Variants in NEDD8 observed in about 807,000 individuals in gnomAD.
NEDD8 encodes the protein ubiquitin-like protein NEDD8.
In NEDD8, 1 loss-of-function variant was observed where a neutral mutation model predicts 13.8. That is an observed-to-expected ratio of 0.07 (90% CI 0.03 to 0.34). The LOEUF (loss-of-function observed/expected upper bound fraction) is 0.34, where lower values mean the gene tolerates loss of function less well. Among genes scored for constraint, NEDD8 ranks in the 10% least tolerant of loss-of-function variants. The pLI is 0.99. For missense variants in NEDD8, 10 were observed against 95.2 expected (o/e 0.10, Z 3.73); for synonymous variants, 31 against 33.2 (o/e 0.93, Z 0.23).
chr14:24,218,134 T>G lies in NEDD8; in HGVS notation c.148A>C (p.Met50Leu). 6.2e-7 allele frequency: 1 copy of G among 1,614,076 alleles called. No homozygotes were observed. ...QQRLIYSGKQ[M>L]NDEKTAADYK... Reference sequence around the variant, plus strand: ...CTGTCATTCTCACTCCAAACTCACATCTGCTTGCCACTGTAGATGAGCCTC... The same window carrying G: ...CTGTCATTCTCACTCCAAACTCACAGCTGCTTGCCACTGTAGATGAGCCTC... The change falls in exon 3 of 4, where the codon ATG (methionine) becomes CTG (leucine). Residue 50 changes from methionine (M) to leucine (L), a missense_variant and splice_region_variant. Transcript: ENST00000250495.
chr14:24,230,301 G>A lies in NEDD8; in HGVS notation c.18+1949C>T, dbSNP rs1439203377. Among the ~76,000 whole-genome samples, 4 of 146,282 alleles carry A rather than the reference G, an allele frequency of 2.7e-5. No homozygotes were observed. In the East Asian group the frequency reaches 8.3e-4, roughly 31 times the overall value. ...TGTAATCCCAGCACTTTGGGAGGCA[G>A]AGGCGGGCGGATCACGAGGTCAGGA... On this transcript the variant is annotated intron_variant, in intron 1 of 3. Coordinates refer to ENST00000250495, the MANE Select transcript of NEDD8 (RefSeq NM_006156.3).
In NEDD8 at chr14:24,216,859, C is replaced by T. The variant is rs59912210; in HGVS notation, c.*268G>A. The stretch of plus-strand genomic sequence containing the variant: ...CAACTTGTGCAACAGAAGAAAGATT[C>T]CAGGAGGCCAGGAAATATTTTATTG... On this transcript the variant is annotated 3_prime_UTR_variant, in exon 4 of 4. Coordinates refer to ENST00000250495, the MANE Select transcript of NEDD8 (RefSeq NM_006156.3). 3,828 of 405,292 alleles carry T rather than the reference C, an allele frequency of 9.4e-3. 105 individuals are homozygous for T. The highest frequency in any genetic ancestry group is 0.066 in the African/African-American group (3,269 of 49,356). 25.1% of individuals were successfully genotyped at this position (405,292 alleles called of 1,614,324 possible). A position where few individuals can be genotyped will look rare whatever the true frequency, so the allele number is the denominator to read the frequency against.
At chr14:24,219,475 C>CAAAAAAAAAAAAAAAAAAAAAAAAA (rs59964484) in intron 1 of NEDD8, among the ~76,000 whole-genome samples, 1 of 33,368 alleles carries the variant, frequency 3.0e-5, no homozygotes, top group Admixed American at 4.1e-4. Flanking sequence ...AACACCCTCG[C>CAAAAAAAAAAAAAAAAAAAAAAAAA]AAAAAAAAAA....
chr14:24,226,656 C>G (rs1232270468), intron 1 of NEDD8: 1 of 151,886 alleles, frequency 6.6e-6, no homozygotes, highest in African/African-American at 2.4e-5. Flanking sequence ...CTATAATAGC[C>G]AAAATAAAAA....
Position 24,232,308 on chromosome 14 carries a change from T to G in NEDD8, c.-41A>C. The G allele has an allele frequency of 6.3e-7, 1 of 1,595,334 alleles. No individual in the cohort carries two copies. Among genetic ancestry groups the G allele is most frequent in the Non-Finnish European group, 8.5e-7 (1 of 1,172,186 alleles). On this transcript the variant is annotated 5_prime_UTR_variant, in exon 1 of 4. Transcript: ENST00000250495. Reference sequence around the variant, plus strand: ...GGGCTGCACACGGATAAATTGCTGCTCCTACCGCTCCGGTCGCCGCTGCCG... The same window carrying G: ...GGGCTGCACACGGATAAATTGCTGCGCCTACCGCTCCGGTCGCCGCTGCCG...
Position 24,232,316 on chromosome 14 carries a change from C to G in NEDD8, c.-49G>C, listed in dbSNP as rs2138925946. 1 of 1,611,700 alleles carries G rather than the reference C, an allele frequency of 6.2e-7. No individual in the cohort carries two copies. The stretch of plus-strand genomic sequence containing the variant: ...CACGGATAAATTGCTGCTCCTACCG[C>G]TCCGGTCGCCGCTGCCGCCCTCCAG... On this transcript the variant is annotated 5_prime_UTR_variant, in exon 1 of 4. Coordinates refer to ENST00000250495, the MANE Select transcript of NEDD8 (RefSeq NM_006156.3).
In NEDD8 at chr14:24,224,026, C is replaced by T. The variant is rs35867903; in HGVS notation, c.19-5595G>A. On this transcript the variant is annotated intron_variant, in intron 1 of 3. Coordinates refer to ENST00000250495, the MANE Select transcript of NEDD8 (RefSeq NM_006156.3). ...CACTGCAAGCTCCACCTCCCGGGTT[C>T]ACGCCATTCTCCTGCCTCAGCCTCC... Among the ~76,000 whole-genome samples, 385 of 152,202 alleles carry T rather than the reference C, an allele frequency of 2.5e-3. 2 individuals are homozygous for T. The highest frequency in any genetic ancestry group is 8.8e-3 in the African/African-American group (367 of 41,544).
At chr14:24,220,088 G>A (rs899888427) in intron 1 of NEDD8, among the ~76,000 whole-genome samples, 1 of 152,236 alleles carries the variant, frequency 6.6e-6, no homozygotes, top group Non-Finnish European at 1.5e-5. Flanking sequence ...GCGGTGAGCT[G>A]AGATTGTGCC....
chr14:24,216,964 G>C lies in NEDD8; in HGVS notation c.*163C>G. ...CCCAGTAGCCAGCAAGGGCCCTCTG[G>C]GCCAGGAATACTGAATCCTGGGATC... is the stretch of plus-strand genomic sequence containing the variant. On this transcript the variant is annotated 3_prime_UTR_variant, in exon 4 of 4. Coordinates refer to ENST00000250495, the MANE Select transcript of NEDD8 (RefSeq NM_006156.3). 1 of 626,810 alleles carries C rather than the reference G, an allele frequency of 1.6e-6. No homozygotes were observed. The highest frequency in any genetic ancestry group is 2.8e-6 in the Non-Finnish European group (1 of 357,834). 38.8% of individuals were successfully genotyped at this position (626,810 alleles called of 1,614,324 possible). A position where few individuals can be genotyped will look rare whatever the true frequency, so the allele number is the denominator to read the frequency against.
chr14:24,224,840 C>T (rs900165520), intron 1 of NEDD8, among the ~76,000 whole-genome samples: 1 of 152,086 alleles, frequency 6.6e-6, no homozygotes, highest in Non-Finnish European at 1.5e-5. Context: ...ACAGGAAATA[C>T]AGAGGAAAAG....
chr14:24,231,419 A>C (rs2040015407), intron 1 of NEDD8, among the ~76,000 whole-genome samples: 1 of 132,306 alleles, frequency 7.6e-6, no homozygotes, highest in South Asian at 2.4e-4. Flanking sequence ...ATAACGATAG[A>C]TTTACTTAGC....
chr14:24,221,096 G>A (rs1408093871), intron 1 of NEDD8, among the ~76,000 whole-genome samples: 1 of 152,150 alleles, frequency 6.6e-6, no homozygotes, highest in African/African-American at 2.4e-5. Flanking sequence ...AACCTATGCT[G>A]GTCTGTGTGA....
At chr14:24,220,988 A>G (rs1401036892) in intron 1 of NEDD8, among the ~76,000 whole-genome samples, 2 of 152,262 alleles carry the variant, frequency 1.3e-5, no homozygotes, top group Admixed American at 6.5e-5. Context: ...ATGATTTAGT[A>G]CTAGTATGTT....
chr14:24,218,518 T>G, intron 1 of NEDD8, 87 bp from the exon 2 acceptor site: 1 of 1,575,564 alleles, frequency 6.3e-7, no homozygotes, highest in South Asian at 1.1e-5. Flanking sequence ...GTCTTTGGGA[T>G]CTACTGCCTT....
At chr14:24,229,696 A>G (rs1002742195) in intron 1 of NEDD8, among the ~76,000 whole-genome samples, 2 of 152,234 alleles carry the variant, frequency 1.3e-5, no homozygotes, top group Non-Finnish European at 2.9e-5. Context: ...AAATTTTCAA[A>G]AAGTGTACAA....
chr14:24,223,806 C>T (rs1030661150), intron 1 of NEDD8, among the ~76,000 whole-genome samples: 1 of 151,812 alleles, frequency 6.6e-6, no homozygotes, highest in African/African-American at 2.4e-5. Flanking sequence ...CATCATCTGG[C>T]TCACCACAAC....
intron 1 of NEDD8, chr14:24,231,967 T>C: frequency 2.2e-6 from 1 of 447,958 alleles, no homozygotes; most frequent in East Asian, 3.7e-5. Flanking sequence ...GGGGTTCGAA[T>C]ACAGTGAGAC....
chr14:24,225,841 C>T (rs1467873156), intron 1 of NEDD8, among the ~76,000 whole-genome samples: 1 of 151,988 alleles, frequency 6.6e-6, no homozygotes, highest in African/African-American at 2.4e-5. Flanking sequence ...GAGTTCGAGG[C>T]CAGCCTGGAT....
intron 1 of NEDD8, chr14:24,228,514 AG>A (rs2039933880): frequency 6.6e-6 from 1 of 152,114 alleles, no homozygotes; most frequent in Admixed American, 6.6e-5. Flanking sequence ...CAGAAGTTTT[AG>A]ACTAGCGTGG....
Sources: allele counts gnomAD v4.1 joint callset (sites outside exome capture counted in the v4.1 genomes callset), GRCh38; gene constraint gnomAD v4.1.1; transcripts MANE v1.5; gene names NCBI Gene and HGNC (gene_info 2026-07-23, HGNC 2026-07-21).